Variants in XKR6 observed in about 807,000 individuals in gnomAD.
The protein encoded by XKR6 is XK-related protein 6.
In XKR6, 22 loss-of-function variants were observed where a neutral mutation model predicts 56.7. The observed-to-expected ratio is 0.39, with a 90% CI of 0.28 to 0.55. The LOEUF (loss-of-function observed/expected upper bound fraction) is 0.55. Ranked by LOEUF, XKR6 falls within the 20% of genes least tolerant of loss-of-function variation. The pLI is 0.66. For missense variants in XKR6, 852 were observed against 889.0 expected (o/e 0.96, Z 0.53); for synonymous variants, 524 against 387.8 (o/e 1.35, Z -4.13).
At chr8:10,941,091 G>A (rs1017535121) in intron 1 of XKR6, among the ~76,000 whole-genome samples, 10 of 152,140 alleles carry the variant, frequency 6.6e-5, no homozygotes, top group Non-Finnish European at 1.3e-4. Flanking sequence ...AGAGGAGTCT[G>A]AGGAGGCCAC....
chr8:11,064,309 C>T (rs1799923028), intron 1 of XKR6, among the ~76,000 whole-genome samples: 1 of 152,202 alleles, frequency 6.6e-6, no homozygotes, highest in African/African-American at 2.4e-5. Flanking sequence ...TCCATCTCTG[C>T]CTCAGTTAAT....
chr8:11,190,140 A>G (rs893403440), intron 1 of XKR6, among the ~76,000 whole-genome samples: 1 of 151,748 alleles, frequency 6.6e-6, no homozygotes, highest in African/African-American at 2.4e-5. Context: ...CTGGGCAACA[A>G]GAGTGAAACT....
chr8:11,099,744 C>T (rs567368634), intron 1 of XKR6, among the ~76,000 whole-genome samples: 1 of 152,338 alleles, frequency 6.6e-6, no homozygotes, highest in African/African-American at 2.4e-5. Flanking sequence ...AACAAAGCCC[C>T]TGCCCTCCCT....
intron 1 of XKR6, among the ~76,000 whole-genome samples, chr8:10,986,192 T>C (rs1244353029): frequency 6.6e-6 from 1 of 152,198 alleles, no homozygotes; most frequent in East Asian, 1.9e-4. Context: ...GTAGATTATT[T>C]AATAAGTGAT....
intron 1 of XKR6, among the ~76,000 whole-genome samples, chr8:10,982,750 G>A (rs1424153900): frequency 6.6e-6 from 1 of 152,206 alleles, no homozygotes; most frequent in African/African-American, 2.4e-5. Context: ...TAGATGCTGT[G>A]ACCTTAACCT....
chr8:10,921,944 A>T (rs1179256372), intron 2 of XKR6, among the ~76,000 whole-genome samples: 1 of 152,244 alleles, frequency 6.6e-6, no homozygotes, highest in African/African-American at 2.4e-5. Flanking sequence ...TGATCAGGCC[A>T]TAAGGACTCC....
In XKR6 at chr8:10,976,481, G is replaced by A. The variant is rs560017959; in HGVS notation, c.765-51651C>T. ...ACCTGAGAACCAGATACGCCTGCAG[G>A]TGCCTGTCCCTCTGCGCCCCCCGGG... On this transcript the variant is annotated intron_variant, in intron 1 of 2. Coordinates refer to ENST00000416569, the MANE Select transcript of XKR6 (RefSeq NM_173683.4). 2.6e-5 allele frequency among the ~76,000 whole-genome samples: 4 copies of A among 152,244 alleles called. No homozygotes were observed. The East Asian group carries it at 7.7e-4, about 29-fold the overall frequency.
intron 1 of XKR6, among the ~76,000 whole-genome samples, chr8:11,127,778 G>C (rs149139830): frequency 1.9e-3 from 291 of 152,260 alleles, no homozygotes; most frequent in African/African-American, 6.5e-3. Flanking sequence ...CATATTTATA[G>C]GTCTGGGGAT....
At chr8:11,049,044 G>A (rs1799479796) in intron 1 of XKR6, among the ~76,000 whole-genome samples, 1 of 152,214 alleles carries the variant, frequency 6.6e-6, no homozygotes, top group South Asian at 2.1e-4. Flanking sequence ...TGCCCTAGGT[G>A]GTATTCTGGA....
At chr8:11,075,234 A>G (rs990153488) in intron 1 of XKR6, among the ~76,000 whole-genome samples, 3 of 152,214 alleles carry the variant, frequency 2.0e-5, no homozygotes, top group Admixed American at 2.0e-4. Context: ...ATCTGAGCCT[A>G]GTCCCCTTGA....
chr8:11,170,632 C>T (rs537095468), intron 1 of XKR6, among the ~76,000 whole-genome samples: 4 of 152,286 alleles, frequency 2.6e-5, no homozygotes, highest in East Asian at 3.9e-4. Flanking sequence ...TTGTGGTAAT[C>T]GTTGCACAAC....
chr8:11,200,860 GACGTAGTCCCCCT>G lies in XKR6; in HGVS notation c.467_479del (p.Lys156ThrfsTer5). On this transcript the variant is annotated frameshift_variant, in exon 1 of 3. Coordinates refer to ENST00000416569, the MANE Select transcript of XKR6 (RefSeq NM_173683.4). LOFTEE classifies it high-confidence loss of function. The surrounding 1 kb of genome is among the most constrained non-coding windows in gnomAD (Gnocchi z 6.4). ...CGAAGAAGAGGGTCAGCCCGAAGTAGACGTAGTCCCCCTTGCGGTAGTAGTCGAGGGCCAGCCA... is the reference window on the plus strand; with the variant it reads ...CGAAGAAGAGGGTCAGCCCGAAGTAGTGCGGTAGTAGTCGAGGGCCAGCCA... 6.2e-7 allele frequency: 1 copy of G among 1,611,960 alleles called. No individual in the cohort carries two copies. The highest frequency in any genetic ancestry group is 8.5e-7 in the Non-Finnish European group (1 of 1,179,518).
At chr8:11,123,846 T>A (rs1387737852) in intron 1 of XKR6, 1 of 456,284 alleles carries the variant, frequency 2.2e-6, no homozygotes, top group Non-Finnish European at 4.4e-6. Context: ...AGTTCCAGTG[T>A]CCCGTGGTCC....
At chr8:11,033,466 ATGG>A (rs1350824118) in intron 1 of XKR6, among the ~76,000 whole-genome samples, 1 of 152,004 alleles carries the variant, frequency 6.6e-6, no homozygotes, top group East Asian at 1.9e-4. Flanking sequence ...GATGGTAATG[ATGG>A]TGATGATGAT....
chr8:11,146,564 G>T (rs1208889227), intron 1 of XKR6, among the ~76,000 whole-genome samples: 1 of 151,562 alleles, frequency 6.6e-6, no homozygotes, highest in Non-Finnish European at 1.5e-5. Flanking sequence ...AGGAGAGAGA[G>T]GCTGCAGTGA....
chr8:10,990,036 C>A (rs1170583183), intron 1 of XKR6, among the ~76,000 whole-genome samples: 1 of 152,206 alleles, frequency 6.6e-6, no homozygotes, highest in African/African-American at 2.4e-5. Context: ...TGCGTGTGAT[C>A]TACAATAGGT....
chr8:10,960,190 A>AGGTGCAGGTACAGCAGGTG (rs1224410688), intron 1 of XKR6, among the ~76,000 whole-genome samples: 177 of 151,536 alleles, frequency 1.2e-3, no homozygotes, highest in African/African-American at 4.1e-3. Flanking sequence ...TATAGCAGGC[A>AGGTGCAGGTACAGCAGGTG]GGTGCAGGTA....
At chr8:10,998,467 T>C (rs1341729902) in intron 1 of XKR6, among the ~76,000 whole-genome samples, 1 of 152,224 alleles carries the variant, frequency 6.6e-6, no homozygotes, top group African/African-American at 2.4e-5. Flanking sequence ...TTCTCCATCT[T>C]ACTGACAGGC....
At chr8:11,043,183 A>C (rs76900888) in intron 1 of XKR6, among the ~76,000 whole-genome samples, 5,443 of 152,196 alleles carry the variant, frequency 0.036, 342 homozygotes, top group African/African-American at 0.12. Context: ...ATTATCATAA[A>C]TAATATATGC....
Sources: gnomAD v4.1 joint callset for allele counts (sites outside exome capture counted in the v4.1 genomes callset) on GRCh38, gnomAD v4.1.1 for gene constraint, Gnocchi (gnomAD v3.1) non-coding constraint, MANE v1.5 for transcripts, NCBI Gene and HGNC (gene_info 2026-07-23, HGNC 2026-07-21) for gene names.